UBE3C: variants seen among roughly 807,000 people sequenced by gnomAD.
UBE3C encodes the protein ubiquitin-protein ligase E3C.
In UBE3C, 42 loss-of-function variants were observed where a neutral mutation model predicts 129.4. The ratio of observed to expected loss-of-function variants is 0.32; its 90% CI spans 0.25 to 0.42. The LOEUF is 0.42. Among genes scored for constraint, UBE3C ranks in the 10% least tolerant of loss-of-function variants. The probability of loss-of-function intolerance (pLI) is 1.00; values close to 1 mark genes in which losing one functional copy is unlikely to be tolerated. For missense variants in UBE3C, 1,049 were observed against 1,319.1 expected, an observed-to-expected ratio of 0.80 and a Z score of 3.17; for synonymous variants, 510 against 492.4, an observed-to-expected ratio of 1.04 and a Z score of -0.47.
chr7:157,161,030 GA>G (rs1460098167), intron 1 of UBE3C, among the ~76,000 whole-genome samples: 1 of 152,146 alleles, frequency 6.6e-6, no homozygotes, highest in Non-Finnish European at 1.5e-5. Flanking sequence ...ATGAAGATAA[GA>G]ACTCTATAAG....
chr7:157,241,821 A>G (rs1301342742), intron 18 of UBE3C, among the ~76,000 whole-genome samples: 1 of 152,222 alleles, frequency 6.6e-6, no homozygotes, highest in Non-Finnish European at 1.5e-5. Flanking sequence ...GTGGACTATT[A>G]CTGGGCCGTA....
intron 14 of UBE3C, chr7:157,217,186 C>T: frequency 2.5e-6 from 1 of 395,990 alleles, no homozygotes. Context: ...GTTATTAATC[C>T]TCAATTTTCC....
intron 2 of UBE3C, 119 bp downstream of exon 2, chr7:157,163,982 T>C: frequency 1.1e-6 from 1 of 888,690 alleles, no homozygotes; most frequent in East Asian, 2.6e-5. Context: ...ACAGAATGTG[T>C]GTGTATGTGT....
In UBE3C at chr7:157,154,638, C is replaced by T. The variant is rs560602267; in HGVS notation, c.67-9172C>T. Reference sequence around the variant, plus strand: ...CATATAAATTGTCTTTAGAGTTTTGCTATTAAAATAGTGCCTTATTTACCA... The same window carrying T: ...CATATAAATTGTCTTTAGAGTTTTGTTATTAAAATAGTGCCTTATTTACCA... On this transcript the variant is annotated intron_variant, in intron 1 of 22. Transcript: ENST00000348165. Among the ~76,000 whole-genome samples, 133 of 152,244 alleles carry T rather than the reference C, an allele frequency of 8.7e-4. No homozygotes were observed. In the Middle Eastern group the frequency reaches 0.017, roughly 19 times the overall value.
At position 157,248,365 on chromosome 7, in the gene UBE3C, A is replaced by G; in HGVS notation, c.2482-3A>G. ...CTAACGTTGTCACTGTTCTCTTTTG[A>G]AGGCTCTCTATGAGAACATGCTGGT... On this transcript the variant is annotated splice_region_variant and splice_polypyrimidine_tract_variant and intron_variant, in intron 18 of 22. Transcript: ENST00000348165. The G allele has an allele frequency of 6.2e-7, 1 of 1,611,800 alleles. No homozygotes were observed. Among genetic ancestry groups the G allele is most frequent in the South Asian group, 1.1e-5 (1 of 90,794 alleles).
At chr7:157,175,349 G>A (rs1310131407) in intron 5 of UBE3C, among the ~76,000 whole-genome samples, 1 of 152,086 alleles carries the variant, frequency 6.6e-6, no homozygotes, top group African/African-American at 2.4e-5. Flanking sequence ...GAGGACTCCT[G>A]ATGTGTGAGA....
At chr7:157,175,254 A>T (rs1808488481) in intron 5 of UBE3C, among the ~76,000 whole-genome samples, 2 of 148,604 alleles carry the variant, frequency 1.3e-5, no homozygotes, top group Non-Finnish European at 3.0e-5. Context: ...TATCTTTCAG[A>T]TGACTTTTTC....
At chr7:157,186,523 G>C (rs977423289) in intron 9 of UBE3C, among the ~76,000 whole-genome samples, 11 of 151,752 alleles carry the variant, frequency 7.2e-5, no homozygotes, top group Admixed American at 2.0e-4. Flanking sequence ...ATGTATGGTT[G>C]TCTTAGTGCA....
intron 4 of UBE3C, among the ~76,000 whole-genome samples, chr7:157,170,901 G>T (rs1001094553): frequency 2.0e-5 from 3 of 152,088 alleles, no homozygotes; most frequent in African/African-American, 7.2e-5. Flanking sequence ...TGAATTCCCA[G>T]GCTTAAGCAG....
At chr7:157,158,158 A>G (rs1000117839) in intron 1 of UBE3C, among the ~76,000 whole-genome samples, 1 of 145,818 alleles carries the variant, frequency 6.9e-6, no homozygotes, top group South Asian at 2.2e-4. Context: ...TCCCAAAGTG[A>G]TGGAATTACA....
intron 19 of UBE3C, among the ~76,000 whole-genome samples, chr7:157,250,615 G>T (rs1458767369): frequency 6.6e-6 from 1 of 152,162 alleles, no homozygotes; most frequent in Non-Finnish European, 1.5e-5. Flanking sequence ...AAGCCACCAT[G>T]CCTGTCCAAG....
At chr7:157,242,144 A>C (rs1180770012) in intron 18 of UBE3C, among the ~76,000 whole-genome samples, 1 of 152,240 alleles carries the variant, frequency 6.6e-6, no homozygotes, top group African/African-American at 2.4e-5. Context: ...ATCCCAGTAA[A>C]GCTGTTACAA....
chr7:157,195,274 A>C (rs146487736), intron 10 of UBE3C, among the ~76,000 whole-genome samples: 1 of 152,184 alleles, frequency 6.6e-6, no homozygotes, highest in Non-Finnish European at 1.5e-5. Flanking sequence ...TATGTAAGAG[A>C]CCCACAAGTT....
chr7:157,146,809 C>T (rs1177520556), intron 1 of UBE3C, among the ~76,000 whole-genome samples: 1 of 152,002 alleles, frequency 6.6e-6, no homozygotes, highest in Non-Finnish European at 1.5e-5. Context: ...TGCCACCACA[C>T]CTGGTTAATT....
chr7:157,181,781 C>T lies in UBE3C; in HGVS notation c.770+110C>T, dbSNP rs189201358. 8.4e-5 allele frequency: 117 copies of T among 1,386,486 alleles called. 2 individuals are homozygous for T. The Admixed American group carries it at 2.8e-3, about 33-fold the overall frequency. The allele number at this position is 1,386,486 out of a possible 1,614,324, so 85.9% of individuals were successfully genotyped here. The stretch of plus-strand genomic sequence containing the variant: ...TATAGACTTGAAATTCAGGTTTTTA[C>T]TTTATTAGTGTTGATTTAGTTTATA... On this transcript the variant is annotated intron_variant, in intron 7 of 22. Coordinates refer to ENST00000348165, the MANE Select transcript of UBE3C (RefSeq NM_014671.3).
At chr7:157,172,856 C>T (rs1025958235) in intron 4 of UBE3C, among the ~76,000 whole-genome samples, 1 of 152,202 alleles carries the variant, frequency 6.6e-6, no homozygotes. Flanking sequence ...ATTGGTGTCT[C>T]TCCAGAGCAC....
chr7:157,140,572 A>G (rs902374326), intron 1 of UBE3C, among the ~76,000 whole-genome samples: 3 of 152,160 alleles, frequency 2.0e-5, no homozygotes, highest in African/African-American at 7.2e-5. Context: ...ACTTCAGAGA[A>G]TCTCAGGGCC....
intron 1 of UBE3C, among the ~76,000 whole-genome samples, chr7:157,156,261 T>G (rs1164906138): frequency 6.6e-6 from 1 of 150,528 alleles, no homozygotes; most frequent in Admixed American, 6.7e-5. Flanking sequence ...TCAAATAAAA[T>G]ACTAGAGCCT....
chr7:157,178,120 G>C (rs1432735624), intron 5 of UBE3C, among the ~76,000 whole-genome samples: 1 of 152,138 alleles, frequency 6.6e-6, no homozygotes, highest in East Asian at 1.9e-4. Context: ...GATGTGCTCT[G>C]TGTCTTGATT....
Sources: allele counts gnomAD v4.1 joint callset (sites outside exome capture counted in the v4.1 genomes callset), GRCh38; gene constraint gnomAD v4.1.1; transcripts MANE v1.5; gene names NCBI Gene and HGNC (gene_info 2026-07-23, HGNC 2026-07-21).